SOX5: variants seen among roughly 807,000 people sequenced by gnomAD.
SOX5 encodes the protein SRY-box transcription factor 5.
SOX5 carries 9 observed loss-of-function variants against 92.0 expected under a neutral mutation model. The observed-to-expected ratio is 0.10, with a 90% CI of 0.06 to 0.17. The LOEUF (loss-of-function observed/expected upper bound fraction) is 0.17. Among genes scored for constraint, SOX5 ranks in the 10% least tolerant of loss-of-function variants. SOX5 has a pLI of 1.00. For synonymous variants in SOX5, 344 were observed against 336.3 expected (o/e 1.02, Z -0.25); for missense variants, 642 against 944.5 (o/e 0.68, Z 4.20).
chr12:24,433,956 G>A (rs1339305221), intron 1 of SOX5, among the ~76,000 whole-genome samples: 1 of 152,126 alleles, frequency 6.6e-6, no homozygotes, highest in African/African-American at 2.4e-5. Context: ...GAGACATTAA[G>A]GAGAGGTCAG....
At chr12:24,154,219 G>C (rs1951937960) in intron 4 of SOX5, among the ~76,000 whole-genome samples, 1 of 152,072 alleles carries the variant, frequency 6.6e-6, no homozygotes, top group East Asian at 1.9e-4. Context: ...TTGCTTATAT[G>C]TGTTATCAGC....
chr12:24,179,541 C>G lies in SOX5; in HGVS notation c.-2+33802G>C, dbSNP rs571032318. On this transcript the variant is annotated intron_variant, in intron 4 of 4. Coordinates refer to the SOX5 transcript ENST00000446891. ...TCTGCAATGCACTGTGTTGCCAGAGCTTTTCGGATATTGTATTTTGTGTTT... is the reference window on the plus strand; with the variant it reads ...TCTGCAATGCACTGTGTTGCCAGAGGTTTTCGGATATTGTATTTTGTGTTT... Among the ~76,000 whole-genome samples the G allele has an allele frequency of 4.6e-5, 7 of 152,270 alleles. No homozygotes were observed. The South Asian group carries it at 1.4e-3, about 32-fold the overall frequency.
intron 4 of SOX5, among the ~76,000 whole-genome samples, chr12:24,091,326 T>A (rs537411156): frequency 2.6e-5 from 4 of 152,336 alleles, no homozygotes; most frequent in Admixed American, 2.6e-4. Context: ...TCATTGGTGT[T>A]TTTCTACTTA....
chr12:24,436,002 A>T (rs1040478172), intron 1 of SOX5, among the ~76,000 whole-genome samples: 1 of 152,198 alleles, frequency 6.6e-6, no homozygotes, highest in Non-Finnish European at 1.5e-5. Flanking sequence ...CCGTATAAGA[A>T]GGCAAACTTA....
chr12:24,485,598 T>C (rs1946437346), intron 1 of SOX5, among the ~76,000 whole-genome samples: 1 of 152,120 alleles, frequency 6.6e-6, no homozygotes, highest in Non-Finnish European at 1.5e-5. Flanking sequence ...TTCCCATTTG[T>C]TGTGATGACT....
intron 4 of SOX5, among the ~76,000 whole-genome samples, chr12:24,204,874 T>C (rs1007826383): frequency 2.6e-5 from 3 of 114,768 alleles, no homozygotes; most frequent in Non-Finnish European, 5.5e-5. Context: ...CATGTTTACC[T>C]CCTCTCACTG....
chr12:24,359,432 G>C (rs1052542005), intron 2 of SOX5, among the ~76,000 whole-genome samples: 4 of 152,154 alleles, frequency 2.6e-5, no homozygotes, highest in African/African-American at 9.7e-5. Context: ...TCTTGCTCTT[G>C]CTTTCTCCCA....
At chr12:23,992,449 T>C (rs972078994) in intron 4 of SOX5, among the ~76,000 whole-genome samples, 5 of 152,130 alleles carry the variant, frequency 3.3e-5, no homozygotes, top group Non-Finnish European at 7.4e-5. Flanking sequence ...TCATACATAA[T>C]TTGCAAAGTA....
intron 11 of SOX5, among the ~76,000 whole-genome samples, chr12:23,562,057 A>G (rs776718438): frequency 7.9e-5 from 12 of 152,180 alleles, no homozygotes; most frequent in Non-Finnish European, 1.6e-4. Context: ...AAATTCCTTT[A>G]TGCTTGCTAT....
At chr12:23,886,535 T>C (rs1176330656) in intron 2 of SOX5, among the ~76,000 whole-genome samples, 1 of 152,096 alleles carries the variant, frequency 6.6e-6, no homozygotes, top group Non-Finnish European at 1.5e-5. Flanking sequence ...TGCAAGATTT[T>C]TTTTTTTCTT....
At position 24,393,391 on chromosome 12, in the gene SOX5, G is replaced by T. The variant is rs1959178010; in HGVS notation, c.-250-24752C>A. 6.6e-6 allele frequency among the ~76,000 whole-genome samples: 1 copy of T among 152,154 alleles called. No homozygotes were observed. The highest frequency in any genetic ancestry group is 2.1e-4 in the South Asian group (1 of 4,828). Reference sequence around the variant, plus strand: ...TGGGACACAATTACAGGCCAATCAGGGTCGGAGATAACAGAATGACAATCC... The same window carrying T: ...TGGGACACAATTACAGGCCAATCAGTGTCGGAGATAACAGAATGACAATCC... On this transcript the variant is annotated intron_variant, in intron 1 of 4. Transcript: ENST00000446891. This position sits in a 1 kb window ranked among gnomAD's most constrained non-coding sequence, Gnocchi z 5.0.
intron 4 of SOX5, among the ~76,000 whole-genome samples, chr12:24,203,393 A>T (rs1368933730): frequency 2.0e-5 from 3 of 152,216 alleles, no homozygotes; most frequent in African/African-American, 7.2e-5. Context: ...CTAGAGAATG[A>T]TATTTAGAAA....
intron 2 of SOX5, among the ~76,000 whole-genome samples, chr12:23,864,012 G>A (rs890644807): frequency 6.6e-6 from 1 of 150,878 alleles, no homozygotes; most frequent in African/African-American, 2.4e-5. Flanking sequence ...TTGAAAGCTT[G>A]TGGCAACTGT....
At chr12:24,095,798 G>A (rs1339719284) in intron 4 of SOX5, among the ~76,000 whole-genome samples, 2 of 151,886 alleles carry the variant, frequency 1.3e-5, no homozygotes, top group African/African-American at 4.8e-5. Context: ...TTTTATAAGG[G>A]GCTCTCCCTC....
intron 4 of SOX5, among the ~76,000 whole-genome samples, chr12:24,021,358 G>A (rs1457119066): frequency 6.6e-6 from 1 of 152,096 alleles, no homozygotes; most frequent in Middle Eastern, 3.2e-3. Flanking sequence ...TCTTCTCTTG[G>A]AGACTGCACT....
chr12:23,697,991 C>T (rs1277261403), intron 6 of SOX5, among the ~76,000 whole-genome samples: 1 of 152,022 alleles, frequency 6.6e-6, no homozygotes, highest in East Asian at 1.9e-4. Flanking sequence ...TTTATAGTAA[C>T]ATTTTATTTC....
chr12:24,470,105 T>C (rs1944646672), intron 1 of SOX5, among the ~76,000 whole-genome samples: 1 of 152,228 alleles, frequency 6.6e-6, no homozygotes, highest in African/African-American at 2.4e-5. Flanking sequence ...AAGCATCAAG[T>C]ACAGATGTCT....
chr12:24,111,025 A>G (rs1056774579), intron 4 of SOX5, among the ~76,000 whole-genome samples: 1 of 151,868 alleles, frequency 6.6e-6, no homozygotes, highest in African/African-American at 2.4e-5. Flanking sequence ...TGGGTCCAAC[A>G]TGTCTTTACT....
intron 2 of SOX5, among the ~76,000 whole-genome samples, chr12:23,877,425 A>G (rs1174431745): frequency 6.6e-6 from 1 of 152,160 alleles, no homozygotes; most frequent in African/African-American, 2.4e-5. Context: ...TCATGAGTCC[A>G]GTCTGTTTAT....
Sources: gnomAD v4.1 joint callset for allele counts (sites outside exome capture counted in the v4.1 genomes callset) on GRCh38, gnomAD v4.1.1 for gene constraint, Gnocchi (gnomAD v3.1) non-coding constraint, MANE v1.5 for transcripts, NCBI Gene and HGNC (gene_info 2026-07-23, HGNC 2026-07-21) for gene names.